SP110: variants seen among roughly 807,000 people sequenced by gnomAD.
The protein encoded by SP110 is interferon-induced protein 41, 30kD.
In SP110, 62 loss-of-function variants were observed where a neutral mutation model predicts 92.7. The observed-to-expected ratio is 0.67, with a 90% CI of 0.55 to 0.83. The LOEUF (loss-of-function observed/expected upper bound fraction) is 0.83. Ranked by LOEUF, SP110 falls within the 40% of genes least tolerant of loss-of-function variation. SP110 has a pLI of 0.00. For missense variants in SP110, 793 were observed against 863.9 expected, an observed-to-expected ratio of 0.92 and a Z score of 1.03; for synonymous variants, 273 against 305.3, an observed-to-expected ratio of 0.89 and a Z score of 1.10.
At chr2:230,170,947 T>A in intron 17 of SP110, 186 bp from the exon 18 acceptor site, 1 of 650,132 alleles carries the variant, frequency 1.5e-6, no homozygotes, top group Non-Finnish European at 2.8e-6. Context: ...GAATATGTAA[T>A]CTCCACATTT....
chr2:230,178,384 T>G, intron 12 of SP110, 129 bp from the exon 13 acceptor site: 1 of 675,344 alleles, frequency 1.5e-6, no homozygotes, highest in Non-Finnish European at 2.7e-6. Context: ...TTGCAGGAAC[T>G]CTTTCATCTC....
upstream of SP110, among the ~76,000 whole-genome samples, chr2:230,220,540 G>C (rs1420457319): frequency 1.3e-5 from 2 of 152,192 alleles, no homozygotes; most frequent in African/African-American, 4.8e-5. Flanking sequence ...CAGACCTCCA[G>C]GCAGAAAAAT....
chr2:230,170,512 T>C, intron 18 of SP110, 109 bp downstream of exon 18: 1 of 1,322,682 alleles, frequency 7.6e-7, no homozygotes, highest in Non-Finnish European at 1.1e-6. Flanking sequence ...TTGTCTTGTT[T>C]GAGCTCTCCC....
intron 14 of SP110, 61 bp from the exon 15 acceptor site, chr2:230,173,020 G>A: frequency 8.9e-7 from 1 of 1,120,332 alleles, no homozygotes. Flanking sequence ...TGCTGACCCT[G>A]TGGGGTTCTA....
At chr2:230,194,955 C>T (rs961358631) in intron 10 of SP110, among the ~76,000 whole-genome samples, 1 of 152,042 alleles carries the variant, frequency 6.6e-6, no homozygotes, top group African/African-American at 2.4e-5. Flanking sequence ...GCTCCAGGCA[C>T]ATGTGGCTGG....
intron 10 of SP110, 123 bp from the exon 11 acceptor site, chr2:230,186,266 T>C: frequency 1.1e-6 from 1 of 941,940 alleles, no homozygotes; most frequent in Non-Finnish European, 1.6e-6. Context: ...GTATCTTTCT[T>C]CCCCCCAGAC....
At chr2:230,224,212 C>T (rs2148993935), upstream of SP110, among the ~76,000 whole-genome samples, 1 of 152,296 alleles carries the variant, frequency 6.6e-6, no homozygotes, top group South Asian at 2.1e-4. Flanking sequence ...TGGCCTTGTG[C>T]TTATAAGCAA....
intron 8 of SP110, among the ~76,000 whole-genome samples, chr2:230,205,612 G>C (rs1350896649): frequency 6.6e-6 from 1 of 151,612 alleles, no homozygotes; most frequent in Non-Finnish European, 1.5e-5. Flanking sequence ...AAAAAAATCT[G>C]TCTTCAGCTT....
chr2:230,183,673 CA>C (rs2042229358), intron 11 of SP110, 33 bp from the exon 12 acceptor site: 2 of 1,269,092 alleles, frequency 1.6e-6, no homozygotes. Flanking sequence ...CTTATAGCTA[CA>C]AACATAGATT....
At position 230,183,704 on chromosome 2, in the gene SP110, C is replaced by T. The variant is rs1047638099; in HGVS notation, c.1280-64G>A. On this transcript the variant is annotated intron_variant, in intron 11 of 18. Coordinates refer to ENST00000258381, the MANE Select transcript of SP110 (RefSeq NM_080424.4). ...TAGATTTATAAGCCTCATAGGTTAA[C>T]AATCTTCAAGCATTTTTTCCTGTTT... is the stretch of plus-strand genomic sequence containing the variant. The T allele has an allele frequency of 4.7e-6, 5 of 1,071,368 alleles. No individual in the cohort carries two copies. The African/African-American group carries it at 6.2e-5, about 13-fold the overall frequency. The allele number at this position is 1,071,368 out of a possible 1,614,324, so 66.4% of individuals were successfully genotyped here. A position where few individuals can be genotyped will look rare whatever the true frequency, so the allele number is the denominator to read the frequency against.
chr2:230,207,509 A>G (rs28392492), intron 8 of SP110, among the ~76,000 whole-genome samples: 18,167 of 152,208 alleles, frequency 0.12, 1,368 homozygotes, highest in Admixed American at 0.18. Flanking sequence ...TGGCTAGCAG[A>G]AACCTCTAAA....
intron 14 of SP110, 116 bp from the exon 15 acceptor site, chr2:230,173,075 A>G (rs917677729): frequency 8.3e-6 from 6 of 719,468 alleles, no homozygotes; most frequent in Non-Finnish European, 1.5e-5. Context: ...TCCAAACCCA[A>G]TTTTTGATGG....
At chr2:230,183,100 A>T (rs981015880) in intron 12 of SP110, among the ~76,000 whole-genome samples, 1 of 152,212 alleles carries the variant, frequency 6.6e-6, no homozygotes, top group Non-Finnish European at 1.5e-5. Context: ...TAAAAGCAGA[A>T]GAAAAATAAA....
At chr2:230,178,826 T>A (rs1368348534) in intron 12 of SP110, among the ~76,000 whole-genome samples, 2 of 152,224 alleles carry the variant, frequency 1.3e-5, no homozygotes, top group Non-Finnish European at 2.9e-5. Flanking sequence ...TGGAGCAGTC[T>A]GGCAACTCAG....
intron 12 of SP110, among the ~76,000 whole-genome samples, 195 bp from the exon 13 acceptor site, chr2:230,178,450 C>T (rs113952876): frequency 3.9e-5 from 5 of 128,026 alleles, no homozygotes; most frequent in African/African-American, 1.5e-4. Flanking sequence ...CCACTGCCAC[C>T]AACACTATAT....
intron 2 of SP110, among the ~76,000 whole-genome samples, chr2:230,215,899 A>C (rs2045110029): frequency 6.6e-6 from 1 of 152,208 alleles, no homozygotes; most frequent in South Asian, 2.1e-4. Context: ...TCTTCATGAG[A>C]TGAGTTGGCC....
At chr2:230,206,622 T>TATATATATATATATATATATATATATA (rs2043876941) in intron 8 of SP110, among the ~76,000 whole-genome samples, 1 of 100,260 alleles carries the variant, frequency 1.0e-5, no homozygotes, top group Admixed American at 1.1e-4. Context: ...TATATATATA[T>TATATATATATATATATATATATATATA]ATATATATAT....
chr2:230,173,069 A>T, intron 14 of SP110, 110 bp from the exon 15 acceptor site: 1 of 759,480 alleles, frequency 1.3e-6, no homozygotes, highest in Admixed American at 2.0e-5. Context: ...TGGATATCCA[A>T]ACCCAATTTT....
rs200457151 is a variant in SP110, at chr2:230,199,128, C to CTAT, written c.1129+1754_1129+1756dup. On this transcript the variant is annotated intron_variant, in intron 10 of 18. Coordinates refer to ENST00000258381, the MANE Select transcript of SP110 (RefSeq NM_080424.4). ...CCACCTACCTCTCTTGCTTTAGCTA[C>CTAT]TATTATTATTATTATTATTATTTTT... 4.1e-3 allele frequency among the ~76,000 whole-genome samples: 569 copies of CTAT among 140,284 alleles called. 4 individuals carry two copies. Among genetic ancestry groups the CTAT allele is most frequent in the African/African-American group, 0.015 (534 of 36,272 alleles). The allele number at this position is 140,284 out of a possible 152,430, so 92.0% of individuals were successfully genotyped here.
Sources: gnomAD v4.1 joint callset for allele counts (sites outside exome capture counted in the v4.1 genomes callset) on GRCh38, gnomAD v4.1.1 for gene constraint, MANE v1.5 for transcripts, NCBI Gene and HGNC (gene_info 2026-07-23, HGNC 2026-07-21) for gene names.